The following GRM8 variants were observed in gnomAD, a reference collection of about 807,000 sequenced individuals.
GRM8 encodes the protein metabotropic glutamate receptor 8.
In GRM8, 47 loss-of-function variants were observed where a neutral mutation model predicts 87.2. The ratio of observed to expected loss-of-function variants is 0.54; its 90% CI spans 0.43 to 0.69. The LOEUF (loss-of-function observed/expected upper bound fraction) is 0.69, where lower values mean the gene tolerates loss of function less well. GRM8 is among the 30% of genes least tolerant of loss of function. The pLI is 0.00. For synonymous variants in GRM8, 396 were observed against 404.5 expected, an observed-to-expected ratio of 0.98 and a Z score of 0.25; for missense variants, 1,019 against 1,139.2, an observed-to-expected ratio of 0.89 and a Z score of 1.52.
chr7:126,651,187 C>A (rs1299116888), intron 7 of GRM8, among the ~76,000 whole-genome samples: 1 of 152,190 alleles, frequency 6.6e-6, no homozygotes, highest in African/African-American at 2.4e-5. Flanking sequence ...GTCATGGTAT[C>A]CCACACAGCA....
intron 3 of GRM8, among the ~76,000 whole-genome samples, chr7:127,103,128 C>T (rs531481590): frequency 3.3e-5 from 5 of 152,324 alleles, no homozygotes; most frequent in African/African-American, 1.2e-4. Flanking sequence ...CAGGCATGAG[C>T]CATCACACCA....
intron 7 of GRM8, among the ~76,000 whole-genome samples, chr7:126,621,882 T>C (rs62477899): frequency 0.32 from 48,506 of 151,836 alleles, 8,346 homozygotes; most frequent in East Asian, 0.43. Flanking sequence ...TTTCCTACAC[T>C]TCCCAATTCA....
intron 9 of GRM8, among the ~76,000 whole-genome samples, chr7:126,470,282 T>A (rs1805015967): frequency 6.6e-6 from 1 of 151,544 alleles, no homozygotes; most frequent in Admixed American, 6.6e-5. Context: ...GCTGGGGTGC[T>A]GCACCCATTA....
chr7:126,825,989 C>T (rs564289646), intron 6 of GRM8, among the ~76,000 whole-genome samples: 48 of 151,784 alleles, frequency 3.2e-4, no homozygotes, highest in African/African-American at 9.4e-4. Flanking sequence ...TTTGTCCTTG[C>T]GATAGTTTAC....
At chr7:127,078,608 G>A (rs1398092289) in intron 3 of GRM8, among the ~76,000 whole-genome samples, 4 of 152,244 alleles carry the variant, frequency 2.6e-5, no homozygotes, top group African/African-American at 9.6e-5. Flanking sequence ...ATCCAAAGAT[G>A]ACTCAACATG....
chr7:126,637,154 A>G (rs1801943516), intron 7 of GRM8, among the ~76,000 whole-genome samples: 1 of 152,132 alleles, frequency 6.6e-6, no homozygotes, highest in Non-Finnish European at 1.5e-5. Context: ...ATGCATGTGA[A>G]AATGCATTAT....
chr7:127,025,858 T>TTA (rs144954987), intron 3 of GRM8, among the ~76,000 whole-genome samples: 7 of 151,958 alleles, frequency 4.6e-5, no homozygotes, highest in South Asian at 2.1e-4. Context: ...TCTAGGTGAT[T>TTA]TATATATATA....
At chr7:126,619,290 C>T (rs7788176) in intron 7 of GRM8, among the ~76,000 whole-genome samples, 48,668 of 151,976 alleles carry the variant, frequency 0.32, 8,420 homozygotes, top group East Asian at 0.43. Context: ...AACCAAACAC[C>T]GCATGTTCTC....
intron 3 of GRM8, among the ~76,000 whole-genome samples, chr7:127,022,076 CA>C (rs975911980): frequency 2.0e-5 from 3 of 152,088 alleles, no homozygotes; most frequent in Non-Finnish European, 4.4e-5. Context: ...AGCTGGCTCA[CA>C]GCCCAAACAT....
chr7:126,746,675 G>A (rs1166584036), intron 7 of GRM8, among the ~76,000 whole-genome samples: 2 of 151,424 alleles, frequency 1.3e-5, no homozygotes, highest in Non-Finnish European at 3.0e-5. Context: ...TAGAATATAA[G>A]CCTAGTAACA....
intron 7 of GRM8, among the ~76,000 whole-genome samples, chr7:126,725,157 G>T (rs752751105): frequency 6.6e-6 from 1 of 152,140 alleles, no homozygotes; most frequent in Non-Finnish European, 1.5e-5. Flanking sequence ...AGACAAAATT[G>T]GCTTCTCTAA....
intron 9 of GRM8, among the ~76,000 whole-genome samples, chr7:126,496,220 G>C (rs1265718013): frequency 4.0e-5 from 6 of 151,768 alleles, no homozygotes; most frequent in Non-Finnish European, 8.8e-5. Context: ...GAGGAAGGAA[G>C]GAAGAAAGGG....
chr7:127,024,684 A>G (rs548623344), intron 3 of GRM8, among the ~76,000 whole-genome samples: 6 of 152,168 alleles, frequency 3.9e-5, no homozygotes, highest in South Asian at 2.1e-4. Context: ...ACCTCATCAC[A>G]TATCAGGTCT....
In GRM8 at chr7:126,921,460, A is replaced by G. The variant is rs1263585686; in HGVS notation, c.728-16777T>C. ...GAATATTTCTCAGAACTGAAGAATAAGAACTTTTGGATTGAAAATAGTTAT... is the reference window on the plus strand; with the variant it reads ...GAATATTTCTCAGAACTGAAGAATAGGAACTTTTGGATTGAAAATAGTTAT... On this transcript the variant is annotated intron_variant, in intron 3 of 10. Transcript: ENST00000339582. Among the ~76,000 whole-genome samples the G allele has an allele frequency of 3.3e-5, 5 of 152,272 alleles. No individual in the cohort carries two copies. The East Asian group carries it at 5.8e-4, about 18-fold the overall frequency.
chr7:127,241,239 A>G (rs1386249201), intron 2 of GRM8, among the ~76,000 whole-genome samples: 1 of 152,208 alleles, frequency 6.6e-6, no homozygotes, highest in Non-Finnish European at 1.5e-5. Flanking sequence ...AGAGGATTCC[A>G]GTGCCATGAG....
At chr7:127,000,378 T>C (rs746136336) in intron 3 of GRM8, among the ~76,000 whole-genome samples, 4 of 151,690 alleles carry the variant, frequency 2.6e-5, no homozygotes, top group Non-Finnish European at 4.4e-5. Context: ...AATTGTACAT[T>C]GTTAAATAAC....
intron 3 of GRM8, among the ~76,000 whole-genome samples, chr7:126,907,531 G>T (rs909103297): frequency 1.3e-5 from 2 of 152,096 alleles, no homozygotes; most frequent in African/African-American, 2.4e-5. Context: ...GCAGGAAAGG[G>T]CCAGGGGAGT....
At chr7:126,966,323 T>C (rs1159457422) in intron 3 of GRM8, among the ~76,000 whole-genome samples, 1 of 152,036 alleles carries the variant, frequency 6.6e-6, no homozygotes, top group Non-Finnish European at 1.5e-5. Flanking sequence ...TTAGTAGAGA[T>C]GGGGCCTCAC....
chr7:126,925,365 A>G (rs1804982139), intron 3 of GRM8, among the ~76,000 whole-genome samples: 1 of 152,234 alleles, frequency 6.6e-6, no homozygotes, highest in Non-Finnish European at 1.5e-5. Flanking sequence ...GTGTTCTATT[A>G]TTAAATATCT....
Sources: gnomAD v4.1 joint callset for allele counts (sites outside exome capture counted in the v4.1 genomes callset) on GRCh38, gnomAD v4.1.1 for gene constraint, MANE v1.5 for transcripts, NCBI Gene and HGNC (gene_info 2026-07-23, HGNC 2026-07-21) for gene names.